The following ABLIM2 variants were observed in gnomAD, a reference collection of about 807,000 sequenced individuals.
ABLIM2 encodes the protein actin-binding LIM protein 2.
A neutral mutation model predicts 97.7 loss-of-function variants in ABLIM2; 53 were observed. The ratio of observed to expected loss-of-function variants is 0.54; its 90% CI spans 0.44 to 0.68. The LOEUF is 0.68. Among genes scored for constraint, ABLIM2 ranks in the 30% least tolerant of loss-of-function variants. ABLIM2 has a pLI of 0.00. For missense variants in ABLIM2, 835 were observed against 867.2 expected, an observed-to-expected ratio of 0.96 and a Z score of 0.47; for synonymous variants, 361 against 345.8, an observed-to-expected ratio of 1.04 and a Z score of -0.49.
intron 17 of ABLIM2, 100 bp from the exon 18 acceptor site, chr4:7,984,993 T>A: frequency 7.9e-7 from 1 of 1,270,954 alleles, no homozygotes; most frequent in Middle Eastern, 2.1e-4. Context: ...GCCGAGGTCC[T>A]CGTGCTGCCT....
At chr4:7,982,652 GC>G (rs1182776328) in intron 20 of ABLIM2, among the ~76,000 whole-genome samples, 1 of 152,132 alleles carries the variant, frequency 6.6e-6, no homozygotes, top group Non-Finnish European at 1.5e-5. Context: ...GGAAGCTGGG[GC>G]AGTTTACTCA....
Position 8,019,573 on chromosome 4 carries a change from A to G in ABLIM2, c.1423+45T>C, listed in dbSNP as rs1249812307. ...CATTCAGAAGCAGATGGGTATTGAC[A>G]GGCATGCGGGGCAAACCACAGCAGC... On this transcript the variant is annotated intron_variant, in intron 14 of 20. Transcript: ENST00000447017. This position sits in a 1 kb window ranked among gnomAD's most constrained non-coding sequence, Gnocchi z 4.3. 4.5e-6 allele frequency: 7 copies of G among 1,564,698 alleles called. No homozygotes were observed. The South Asian group carries it at 5.8e-5, about 13-fold the overall frequency.
At position 8,008,207 on chromosome 4, in the gene ABLIM2, G is replaced by A; in HGVS notation, c.1477-7C>T. 3 of 1,611,748 alleles carry A rather than the reference G, an allele frequency of 1.9e-6. No individual in the cohort carries two copies. Among genetic ancestry groups the A allele is most frequent in the Non-Finnish European group, 2.5e-6 (3 of 1,178,118 alleles). On this transcript the variant is annotated splice_region_variant and splice_polypyrimidine_tract_variant and intron_variant, in intron 15 of 20. Transcript: ENST00000447017. ...TCAGCCAGCTGCTCTTCTGCTGAAGGTAAAAAACAAAGTCATGCAAATGTC... is the reference window on the plus strand; with the variant it reads ...TCAGCCAGCTGCTCTTCTGCTGAAGATAAAAAACAAAGTCATGCAAATGTC...
In ABLIM2 at chr4:8,044,864, C is replaced by T. The variant is rs955117271; in HGVS notation, c.900+300G>A. 6.6e-6 allele frequency among the ~76,000 whole-genome samples: 1 copy of T among 152,192 alleles called. No individual in the cohort carries two copies. The highest frequency in any genetic ancestry group is 1.5e-5 in the Non-Finnish European group (1 of 68,044). The stretch of plus-strand genomic sequence containing the variant: ...CCCCAACTGTCGGCTGTTGATGTGA[C>T]GTGTCTGCACCACTATAAACAACAG... On this transcript the variant is annotated intron_variant, in intron 9 of 20. Coordinates refer to ENST00000447017, the MANE Select transcript of ABLIM2 (RefSeq NM_001130083.2). The surrounding 1 kb of genome is among the most constrained non-coding windows in gnomAD (Gnocchi z 4.4).
At chr4:8,064,853 A>C (rs1479354966) in intron 6 of ABLIM2, among the ~76,000 whole-genome samples, 1 of 152,196 alleles carries the variant, frequency 6.6e-6, no homozygotes, top group Non-Finnish European at 1.5e-5. Flanking sequence ...AAATGTACCA[A>C]GATGCACAGG....
At chr4:8,110,730 G>C (rs963589698) in intron 1 of ABLIM2, among the ~76,000 whole-genome samples, 1 of 152,180 alleles carries the variant, frequency 6.6e-6, no homozygotes, top group Admixed American at 6.5e-5. Flanking sequence ...CCCCAATCTC[G>C]CCTGCTGGGG....
At chr4:8,063,256 G>T (rs553148926) in intron 6 of ABLIM2, among the ~76,000 whole-genome samples, 17 of 152,322 alleles carry the variant, frequency 1.1e-4, no homozygotes, top group African/African-American at 4.1e-4. Context: ...AGTAGAGATG[G>T]GGTTTCACCA....
chr4:8,119,203 A>G (rs1844153951), intron 1 of ABLIM2, among the ~76,000 whole-genome samples: 1 of 151,950 alleles, frequency 6.6e-6, no homozygotes, highest in Non-Finnish European at 1.5e-5. Flanking sequence ...GGGGCTGAAG[A>G]GAGCCCCAAT....
At chr4:8,040,236 C>T (rs1449817359) in intron 9 of ABLIM2, among the ~76,000 whole-genome samples, 1 of 152,228 alleles carries the variant, frequency 6.6e-6, no homozygotes, top group African/African-American at 2.4e-5. Flanking sequence ...CGGCCCCTTT[C>T]TGAGACCGTG....
intron 8 of ABLIM2, among the ~76,000 whole-genome samples, chr4:8,045,578 G>A (rs543212388): frequency 2.6e-5 from 4 of 152,306 alleles, no homozygotes; most frequent in Admixed American, 2.6e-4. Context: ...AAACCTGGGA[G>A]GCGGTGCTCA....
rs1226721831 is a variant in ABLIM2, at chr4:8,068,191, G to C, written c.676-7137C>G. The stretch of plus-strand genomic sequence containing the variant: ...TGGGCGCACGGCTCCCCAGGCAGGC[G>C]GAAGTCCCACCCTCGCCCGCGTGGG... On this transcript the variant is annotated intron_variant, in intron 6 of 20. Coordinates refer to ENST00000447017, the MANE Select transcript of ABLIM2 (RefSeq NM_001130083.2). This position sits in a 1 kb window ranked among gnomAD's most constrained non-coding sequence, Gnocchi z 4.5. Among the ~76,000 whole-genome samples the C allele has an allele frequency of 6.6e-6, 1 of 152,168 alleles. No individual in the cohort carries two copies. Among genetic ancestry groups the C allele is most frequent in the Admixed American group, 6.5e-5 (1 of 15,276 alleles).
intron 16 of ABLIM2, among the ~76,000 whole-genome samples, chr4:8,000,666 C>G (rs937154167): frequency 6.6e-6 from 1 of 152,102 alleles, no homozygotes; most frequent in Non-Finnish European, 1.5e-5. Flanking sequence ...AGAATGAATG[C>G]TGGGTCCCAG....
At chr4:8,104,247 C>T (rs772179630) in intron 2 of ABLIM2, among the ~76,000 whole-genome samples, 2 of 152,216 alleles carry the variant, frequency 1.3e-5, no homozygotes, top group Non-Finnish European at 2.9e-5. Flanking sequence ...AGCTCGTGCA[C>T]TCACTCCCAG....
At position 8,044,956 on chromosome 4, in the gene ABLIM2, C is replaced by T. The variant is rs138941554; in HGVS notation, c.900+208G>A. Among the ~76,000 whole-genome samples, 10 of 152,254 alleles carry T rather than the reference C, an allele frequency of 6.6e-5. No individual in the cohort carries two copies. The South Asian group carries it at 1.0e-3, about 16-fold the overall frequency. On this transcript the variant is annotated intron_variant, in intron 9 of 20. Transcript: ENST00000447017. This position sits in a 1 kb window ranked among gnomAD's most constrained non-coding sequence, Gnocchi z 4.4. ...GGGGACAGGTTCCCAGGGGAATTGC[C>T]GGGTCAAACAAACATGTCTGTGTTT...
intron 16 of ABLIM2, 104 bp from the exon 17 acceptor site, chr4:7,993,031 G>A (rs767965422): frequency 1.7e-5 from 21 of 1,200,542 alleles, no homozygotes; most frequent in Non-Finnish European, 2.4e-5. Flanking sequence ...GGCTGGGCAA[G>A]CAACACAGGG....
intron 3 of ABLIM2, among the ~76,000 whole-genome samples, chr4:8,092,860 T>C (rs565040954): frequency 3.9e-4 from 59 of 152,186 alleles, no homozygotes; most frequent in African/African-American, 1.4e-3. Flanking sequence ...TTTTTAAAAG[T>C]TTTTTTGAGA....
Position 8,060,948 on chromosome 4 carries a change from A to G in ABLIM2, c.763+19T>C, listed in dbSNP as rs753616276. 1 of 1,560,848 alleles carries G rather than the reference A, an allele frequency of 6.4e-7. No homozygotes were observed. The highest frequency in any genetic ancestry group is 8.7e-7 in the Non-Finnish European group (1 of 1,150,732). On this transcript the variant is annotated intron_variant, in intron 7 of 20. Transcript: ENST00000447017. ...AGTTCCTTGCTCTAGGGGACCAAACAACACATTTTAATTTGTACCTTGAAG... is the reference window on the plus strand; with the variant it reads ...AGTTCCTTGCTCTAGGGGACCAAACGACACATTTTAATTTGTACCTTGAAG...
intron 1 of ABLIM2, among the ~76,000 whole-genome samples, chr4:8,142,940 A>T (rs1258373696): frequency 6.6e-6 from 1 of 152,132 alleles, no homozygotes; most frequent in Non-Finnish European, 1.5e-5. Context: ...TGAATGAGAG[A>T]GGAGGCACAG....
Position 8,044,316 on chromosome 4 carries a change from C to T in ABLIM2, c.900+848G>A, listed in dbSNP as rs942236475. ...GCAGGGGCAGCCTACATGGCAGTCCCGGGTGACCCCTGGCCACCACCGCAT... is the reference window on the plus strand; with the variant it reads ...GCAGGGGCAGCCTACATGGCAGTCCTGGGTGACCCCTGGCCACCACCGCAT... On this transcript the variant is annotated intron_variant, in intron 9 of 20. Transcript: ENST00000447017. The surrounding 1 kb of genome is among the most constrained non-coding windows in gnomAD (Gnocchi z 4.4). Among the ~76,000 whole-genome samples, 5 of 151,694 alleles carry T rather than the reference C, an allele frequency of 3.3e-5. No homozygotes were observed. The highest frequency in any genetic ancestry group is 6.6e-5 in the Admixed American group (1 of 15,228).
Sources: allele counts gnomAD v4.1 joint callset (sites outside exome capture counted in the v4.1 genomes callset), GRCh38; gene constraint gnomAD v4.1.1; non-coding constraint Gnocchi (gnomAD v3.1); transcripts MANE v1.5; gene names NCBI Gene and HGNC (gene_info 2026-07-23, HGNC 2026-07-21).